The following SETD5 variants were observed in gnomAD, a reference collection of about 807,000 sequenced individuals.
The protein encoded by SETD5 is histone-lysine N-methyltransferase SETD5.
Under a neutral mutation model 153.3 loss-of-function variants are expected in SETD5, and 44 were observed. The ratio of observed to expected loss-of-function variants is 0.29; its 90% CI spans 0.23 to 0.37. The LOEUF is 0.37. Among genes scored for constraint, SETD5 ranks in the 10% least tolerant of loss-of-function variants. The probability of loss-of-function intolerance (pLI) is 1.00; values close to 1 mark genes in which losing one functional copy is unlikely to be tolerated. For missense variants in SETD5, 1,544 were observed against 1,768.0 expected (o/e 0.87, Z 2.27); for synonymous variants, 716 against 645.2 (o/e 1.11, Z -1.66).
At chr3:9,430,185 C>T in intron 3 of SETD5, 2 of 1,011,472 alleles carry the variant, frequency 2.0e-6, no homozygotes, top group Middle Eastern at 5.0e-4. Context: ...AAGTGGTTTT[C>T]TTCCTTAAAA....
chr3:9,401,020 G>C (rs1313350036), intron 1 of SETD5, among the ~76,000 whole-genome samples: 1 of 152,054 alleles, frequency 6.6e-6, no homozygotes, highest in Non-Finnish European at 1.5e-5. Context: ...GTTCATTTTC[G>C]TGTAAATGTA....
In SETD5 at chr3:9,433,961, AT is replaced by A; in HGVS notation, c.177+14del. 1 of 1,613,602 alleles carries A rather than the reference AT, an allele frequency of 6.2e-7. No individual in the cohort carries two copies. Among genetic ancestry groups the A allele is most frequent in the Non-Finnish European group, 8.5e-7 (1 of 1,179,638 alleles). On this transcript the variant is annotated intron_variant, in intron 4 of 22. Transcript: ENST00000402198. Reference sequence around the variant, plus strand: ...GGACTGCCTTATGCTGTGAGTATGCATTTGTTTCTCTCCAGAACAGTGATCT... The same window carrying A: ...GGACTGCCTTATGCTGTGAGTATGCATTGTTTCTCTCCAGAACAGTGATCT...
At chr3:9,445,516 C>G (rs2041833148) in intron 12 of SETD5, 141 bp from the exon 13 acceptor site, 1 of 873,654 alleles carries the variant, frequency 1.1e-6, no homozygotes, top group South Asian at 1.7e-5. Context: ...TAGTTATCAT[C>G]TGTGTTTACC....
In SETD5 at chr3:9,434,097, C is replaced by CT. The variant is rs1206222293; in HGVS notation, c.177+148dup. On this transcript the variant is annotated intron_variant, in intron 4 of 22. Transcript: ENST00000402198. The surrounding 1 kb of genome is among the most constrained non-coding windows in gnomAD (Gnocchi z 5.6). ...CCCTGACTCCAGCGGACGTCTAGCC[C>CT]TGCATCATTGTTCTTGTTTTTATGT... is the stretch of plus-strand genomic sequence containing the variant. 3.8e-6 allele frequency: 6 copies of CT among 1,564,754 alleles called. No homozygotes were observed. Among genetic ancestry groups the CT allele is most frequent in the Middle Eastern group, 1.7e-4 (1 of 6,010 alleles).
chr3:9,476,024 G>C lies in SETD5; in HGVS notation c.4262G>C (p.Gly1421Ala). ...SQHYPHRGSG[G>A]VHQYRLQPLQ... is the part of the protein sequence containing the mutation. ...CACTACCCACACCGTGGGAGTGGGGGTGTGCACCAGTACCGACTCCAGCCA... is the reference window on the plus strand; with the variant it reads ...CACTACCCACACCGTGGGAGTGGGGCTGTGCACCAGTACCGACTCCAGCCA... Residue 1421 changes from glycine (G) to alanine (A), a missense_variant, in exon 23 of 23, where the codon GGT (glycine) becomes GCT (alanine). This residue lies in a region of SETD5 where 302 missense variants were observed against 277.6 expected (regional missense o/e 1.09). Coordinates refer to ENST00000402198, the MANE Select transcript of SETD5 (RefSeq NM_001080517.3). 6.2e-7 allele frequency: 1 copy of C among 1,613,976 alleles called. No homozygotes were observed. Among genetic ancestry groups the C allele is most frequent in the South Asian group, 1.1e-5 (1 of 91,080 alleles).
intron 1 of SETD5, among the ~76,000 whole-genome samples, chr3:9,405,608 G>C (rs1371469950): frequency 6.6e-6 from 1 of 152,134 alleles, no homozygotes; most frequent in African/African-American, 2.4e-5. Context: ...ATAAAACTGA[G>C]TAATCTAATA....
At chr3:9,401,696 TTATCAGAGGGGA>T (rs2034807137) in intron 1 of SETD5, among the ~76,000 whole-genome samples, 1 of 152,228 alleles carries the variant, frequency 6.6e-6, no homozygotes, top group Non-Finnish European at 1.5e-5. Context: ...TGGATACATT[TTATCAGAGGGGA>T]ACTGGATCAT....
intron 1 of SETD5, among the ~76,000 whole-genome samples, chr3:9,401,360 C>A (rs1201369168): frequency 1.3e-5 from 2 of 152,176 alleles, no homozygotes; most frequent in East Asian, 3.8e-4. Context: ...CTTTTACACT[C>A]GAATTTCCTG....
At position 9,447,438 on chromosome 3, in the gene SETD5, TTAACTG is replaced by T. The variant is rs778367673; in HGVS notation, c.1782+132_1782+137del. On this transcript the variant is annotated intron_variant, in intron 14 of 22. Coordinates refer to ENST00000402198, the MANE Select transcript of SETD5 (RefSeq NM_001080517.3). Reference sequence around the variant, plus strand: ...CACAATAAATAAGGCCATTAACTGTTTAACTGGAACCATTTCATTGGCCTATTTTAT... The same window carrying T: ...CACAATAAATAAGGCCATTAACTGTTGAACCATTTCATTGGCCTATTTTAT... 34 of 1,313,950 alleles carry T rather than the reference TTAACTG, an allele frequency of 2.6e-5. No homozygotes were observed. In the Admixed American group the frequency reaches 2.8e-4, roughly 11 times the overall value. The allele number at this position is 1,313,950 out of a possible 1,614,324, so 81.4% of individuals were successfully genotyped here.
intron 2 of SETD5, among the ~76,000 whole-genome samples, chr3:9,424,953 T>C (rs1411348704): frequency 6.6e-6 from 1 of 152,062 alleles, no homozygotes; most frequent in Non-Finnish European, 1.5e-5. Flanking sequence ...TAACCTATTA[T>C]GGTTGCTTTC....
Position 9,434,047 on chromosome 3 carries a change from T to G in SETD5, c.177+97T>G, listed in dbSNP as rs1273816593. Reference sequence around the variant, plus strand: ...TTTCTTGAAATGTTTATATGCAGCATGACGAAGTTGCCCCTTTTGCACTTC... The same window carrying G: ...TTTCTTGAAATGTTTATATGCAGCAGGACGAAGTTGCCCCTTTTGCACTTC... On this transcript the variant is annotated intron_variant, in intron 4 of 22. Transcript: ENST00000402198. This position sits in a 1 kb window ranked among gnomAD's most constrained non-coding sequence, Gnocchi z 5.6. The G allele has an allele frequency of 1.9e-6, 3 of 1,608,780 alleles. No individual in the cohort carries two copies. The highest frequency in any genetic ancestry group is 2.2e-5 in the South Asian group (2 of 90,066).
intron 1 of SETD5, among the ~76,000 whole-genome samples, chr3:9,414,319 C>T: frequency 6.6e-6 from 1 of 152,120 alleles, no homozygotes; most frequent in Non-Finnish European, 1.5e-5. Context: ...AGTCTTGAAT[C>T]TCAGTAAATT....
rs369109509 is a variant in SETD5, at chr3:9,453,730, C to A, written c.2347-9C>A. ...TTATTGATAATTCTCTGGTTCTTTT[C>A]AATTATAGCGCTGGATAAAACAAGC... is the stretch of plus-strand genomic sequence containing the variant. On this transcript the variant is annotated splice_polypyrimidine_tract_variant and intron_variant, in intron 16 of 22. Transcript: ENST00000402198. 3 of 1,571,768 alleles carry A rather than the reference C, an allele frequency of 1.9e-6. No homozygotes were observed. Among genetic ancestry groups the A allele is most frequent in the Admixed American group, 4.3e-5 (2 of 46,420 alleles).
At chr3:9,428,629 G>GC (rs1349474288) in intron 2 of SETD5, among the ~76,000 whole-genome samples, 194 bp from the exon 3 acceptor site, 1 of 152,056 alleles carries the variant, frequency 6.6e-6, no homozygotes, top group Non-Finnish European at 1.5e-5. Flanking sequence ...ATAACTTTTT[G>GC]CCCCCTACTT....
At position 9,432,167 on chromosome 3, in the gene SETD5, C is replaced by T. The variant is rs112205060; in HGVS notation, c.72-1678C>T. 460 of 345,614 alleles carry T rather than the reference C, an allele frequency of 1.3e-3. 3 individuals carry two copies. The highest frequency in any genetic ancestry group is 9.6e-3 in the African/African-American group (431 of 44,802). The allele number at this position is 345,614 out of a possible 1,614,324, so 21.4% of individuals were successfully genotyped here. A position where few individuals can be genotyped will look rare whatever the true frequency, so the allele number is the denominator to read the frequency against. Reference sequence around the variant, plus strand: ...AATACTGACCTGCATTCTTGATGTACCCCTCCCCCGTTCCCATCTTGCAGA... The same window carrying T: ...AATACTGACCTGCATTCTTGATGTATCCCTCCCCCGTTCCCATCTTGCAGA... On this transcript the variant is annotated intron_variant, in intron 3 of 22. Transcript: ENST00000402198.
intron 3 of SETD5, 116 bp from the exon 4 acceptor site, chr3:9,433,729 T>G (rs1207317167): frequency 9.2e-7 from 1 of 1,091,468 alleles, no homozygotes; most frequent in African/African-American, 1.6e-5. Context: ...GTTCTTTCTC[T>G]TATCCTAGTG....
chr3:9,412,805 TAG>T (rs1031879350), intron 1 of SETD5, among the ~76,000 whole-genome samples: 1 of 151,750 alleles, frequency 6.6e-6, no homozygotes, highest in East Asian at 1.9e-4. Context: ...TTGCTTTAGA[TAG>T]AGAGGAGATA....
At chr3:9,416,070 G>A (rs2037392600) in intron 1 of SETD5, among the ~76,000 whole-genome samples, 1 of 152,000 alleles carries the variant, frequency 6.6e-6, no homozygotes, top group Non-Finnish European at 1.5e-5. Context: ...GGTTCAAATA[G>A]GAATCTTCCA....
rs746566548 is a variant in SETD5, at chr3:9,447,287, C to T, written c.1762C>T (p.Arg588Trp). The part of the protein sequence containing the change: ...STPQSVGVNT[R>W]RSSQAGDIAA... ...CCCACAGAGTGTTGGTGTGAATACC[C>T]GGAGGTCTTCCCAAGCAGGGGTAAG... Residue 588 changes from arginine (R) to tryptophan (W), a missense_variant, in exon 14 of 23, where the codon CGG becomes TGG. Physicochemically the swap from Arg to Trp is moderately radical, Grantham distance 101. This residue lies in a region of SETD5 where 782 missense variants were observed against 787.2 expected (regional missense o/e 0.99). Coordinates refer to ENST00000402198, the MANE Select transcript of SETD5 (RefSeq NM_001080517.3). The T allele has an allele frequency of 5.0e-6, 8 of 1,613,230 alleles. No individual in the cohort carries two copies. Among genetic ancestry groups the T allele is most frequent in the Admixed American group, 3.3e-5 (2 of 59,888 alleles).
Sources: allele counts gnomAD v4.1 joint callset (sites outside exome capture counted in the v4.1 genomes callset), GRCh38; gene constraint gnomAD v4.1.1; regional missense constraint gnomAD v4.1.1; non-coding constraint Gnocchi (gnomAD v3.1); transcripts MANE v1.5; gene names NCBI Gene and HGNC (gene_info 2026-07-23, HGNC 2026-07-21).